Variants in TBC1D14 observed in about 807,000 individuals in gnomAD.
TBC1D14 encodes TBC1 domain family, member 14.
In TBC1D14, 26 loss-of-function variants were observed where a neutral mutation model predicts 79.0. The observed-to-expected ratio is 0.33, with a 90% CI of 0.24 to 0.46. The LOEUF (loss-of-function observed/expected upper bound fraction) is 0.46, where lower values mean the gene tolerates loss of function less well. Ranked by LOEUF, TBC1D14 falls within the 20% of genes least tolerant of loss-of-function variation. TBC1D14 has a pLI of 1.00. For missense variants in TBC1D14, 769 were observed against 887.6 expected (o/e 0.87, Z 1.70); for synonymous variants, 394 against 349.9 (o/e 1.13, Z -1.40).
At chr4:6,922,943 A>G (rs1317983063) in intron 1 of TBC1D14, among the ~76,000 whole-genome samples, 1 of 152,192 alleles carries the variant, frequency 6.6e-6, no homozygotes, top group African/African-American at 2.4e-5. Context: ...GCTCATGCCC[A>G]AAATCCCAGC....
chr4:6,956,355 C>G (rs1284092153), intron 2 of TBC1D14, among the ~76,000 whole-genome samples: 3 of 152,176 alleles, frequency 2.0e-5, no homozygotes, highest in African/African-American at 7.2e-5. Flanking sequence ...GTGGCCACAT[C>G]TTCTATTCCA....
At chr4:6,997,561 G>C (rs912653297) in intron 5 of TBC1D14, among the ~76,000 whole-genome samples, 2 of 152,164 alleles carry the variant, frequency 1.3e-5, no homozygotes, top group Admixed American at 1.3e-4. Context: ...AGGAGGTGGA[G>C]GTTGCAGTGA....
At chr4:7,007,418 G>T (rs904017907) in intron 9 of TBC1D14, 3 of 574,578 alleles carry the variant, frequency 5.2e-6, no homozygotes, top group Non-Finnish European at 8.2e-6. Flanking sequence ...TTAATCTGGG[G>T]ATCTTTTGAT....
chr4:6,937,352 A>C (rs958944506), intron 2 of TBC1D14, among the ~76,000 whole-genome samples: 1 of 152,198 alleles, frequency 6.6e-6, no homozygotes, highest in Non-Finnish European at 1.5e-5. Context: ...GCTGTTGAAC[A>C]TGTTTTTTTA....
rs933724861 is a variant in TBC1D14, at chr4:6,973,066, G to A, written c.843+5642G>A. Among the ~76,000 whole-genome samples the A allele has an allele frequency of 3.9e-5, 6 of 152,206 alleles. No homozygotes were observed. The East Asian group carries it at 1.2e-3, about 29-fold the overall frequency. On this transcript the variant is annotated intron_variant, in intron 3 of 13. Transcript: ENST00000409757. ...GGTGCTGCTGATTGTTGGAAAGATA[G>A]CCGCAGGGAGGATAGGCTTGTAGGT... is the stretch of plus-strand genomic sequence containing the variant.
chr4:6,909,794 G>A (rs1722814320), upstream of TBC1D14: 1 of 148,536 alleles, frequency 6.7e-6, no homozygotes, highest in Non-Finnish European at 1.5e-5. Flanking sequence ...GCGAGGGTGC[G>A]CGCCGCTGTT....
chr4:6,994,446 G>T (rs1718806196), intron 4 of TBC1D14, 144 bp downstream of exon 4: 2 of 712,916 alleles, frequency 2.8e-6, no homozygotes, highest in East Asian at 2.5e-5. Flanking sequence ...ATATTAACAT[G>T]TGTTCTGTAA....
chr4:6,931,208 G>C (rs1020125191), intron 2 of TBC1D14, among the ~76,000 whole-genome samples: 1 of 152,286 alleles, frequency 6.6e-6, no homozygotes, highest in South Asian at 2.1e-4. Context: ...CTCACTCTGG[G>C]TCGTCTGACA....
At chr4:6,953,090 A>T (rs1380178162) in intron 2 of TBC1D14, among the ~76,000 whole-genome samples, 1 of 145,796 alleles carries the variant, frequency 6.9e-6, no homozygotes, top group African/African-American at 2.5e-5. Flanking sequence ...CAATGGTGCA[A>T]TCTTGGCCCA....
At chr4:7,007,394 T>C (rs183643523) in intron 9 of TBC1D14, 4 of 450,040 alleles carry the variant, frequency 8.9e-6, no homozygotes, top group Non-Finnish European at 1.5e-5. Flanking sequence ...TTCTATTCTT[T>C]GAGCCAGCAG....
chr4:7,026,900 AAAAC>A (rs896900784), intron 13 of TBC1D14, among the ~76,000 whole-genome samples: 57 of 152,222 alleles, frequency 3.7e-4, no homozygotes, highest in East Asian at 7.7e-4. Context: ...CTGTCTTAAA[AAAAC>A]AAACAAACAA....
At chr4:6,957,999 C>G (rs1356955904) in intron 2 of TBC1D14, among the ~76,000 whole-genome samples, 1 of 150,560 alleles carries the variant, frequency 6.6e-6, no homozygotes, top group Non-Finnish European at 1.5e-5. Context: ...GATATCCTAA[C>G]CCTCTTGGCG....
chr4:6,923,932 G>A lies in TBC1D14; in HGVS notation c.543G>A (p.Val181=). 1 of 1,613,942 alleles carries A rather than the reference G, an allele frequency of 6.2e-7. No individual in the cohort carries two copies. The highest frequency in any genetic ancestry group is 8.5e-7 in the Non-Finnish European group (1 of 1,180,030). ...GCAATGAGGACATCTTGGACCTTGT[G>A]GTCACGAGCAGCTCCAGTGCCATTG... is the stretch of plus-strand genomic sequence containing the variant. ...SVSNEDILDL[V]VTSSSSAIVT... Residue 181 remains valine (V), a synonymous_variant, in exon 2 of 14, where the codon GTG becomes GTA. Coordinates refer to ENST00000409757, the MANE Select transcript of TBC1D14 (RefSeq NM_020773.3).
At chr4:7,017,038 C>T (rs1362131485) in intron 12 of TBC1D14, among the ~76,000 whole-genome samples, 11 of 152,208 alleles carry the variant, frequency 7.2e-5, no homozygotes, top group Non-Finnish European at 1.0e-4. Flanking sequence ...CACTAGCTCA[C>T]GCCTGTAATC....
intron 4 of TBC1D14, among the ~76,000 whole-genome samples, chr4:6,994,924 T>C (rs1211509110): frequency 6.6e-6 from 1 of 151,860 alleles, no homozygotes; most frequent in Non-Finnish European, 1.5e-5. Context: ...TTGAAAGTTG[T>C]ATGCTGGGGA....
In TBC1D14 at chr4:7,025,386, C is replaced by CT. The variant is rs1429536619; in HGVS notation, c.2016+125dup. ...CTTTGATGGAGTCCCTGGGCTGGAACTGAGGGGGGCCGGGTGGAGACGTGG... is the reference window on the plus strand; with the variant it reads ...CTTTGATGGAGTCCCTGGGCTGGAACTTGAGGGGGGCCGGGTGGAGACGTGG... On this transcript the variant is annotated intron_variant, in intron 13 of 13. Coordinates refer to ENST00000409757, the MANE Select transcript of TBC1D14 (RefSeq NM_020773.3). 31 of 1,451,556 alleles carry CT rather than the reference C, an allele frequency of 2.1e-5. No homozygotes were observed. The Middle Eastern group carries it at 7.6e-4, about 35-fold the overall frequency. The allele number at this position is 1,451,556 out of a possible 1,614,324, so 89.9% of individuals were successfully genotyped here.
At chr4:6,989,076 C>G (rs931965256) in intron 3 of TBC1D14, among the ~76,000 whole-genome samples, 1 of 151,932 alleles carries the variant, frequency 6.6e-6, no homozygotes. Flanking sequence ...AATCATGATC[C>G]TTTCTTTTCG....
chr4:7,015,882 C>T (rs915926208), intron 12 of TBC1D14, among the ~76,000 whole-genome samples: 8 of 152,270 alleles, frequency 5.3e-5, no homozygotes, highest in South Asian at 2.1e-4. Flanking sequence ...GAAGGGGCTC[C>T]GCAGAAGTAA....
intron 2 of TBC1D14, among the ~76,000 whole-genome samples, chr4:6,925,600 G>A (rs1724230340): frequency 6.6e-6 from 1 of 152,174 alleles, no homozygotes; most frequent in South Asian, 2.1e-4. Context: ...GGTTTTGTCG[G>A]GAAACTTTCT....
Sources: allele counts gnomAD v4.1 joint callset (sites outside exome capture counted in the v4.1 genomes callset), GRCh38; gene constraint gnomAD v4.1.1; transcripts MANE v1.5; gene names NCBI Gene and HGNC (gene_info 2026-07-23, HGNC 2026-07-21).